Variants in OSBPL8 observed in about 807,000 individuals in gnomAD.
OSBPL8 encodes the protein oxysterol binding protein like 8, also known as oxysterol-binding protein-related protein 8.
Under a neutral mutation model 125.5 loss-of-function variants are expected in OSBPL8, and 59 were observed. That is an observed-to-expected ratio of 0.47 (90% CI 0.38 to 0.58). The LOEUF (loss-of-function observed/expected upper bound fraction) is 0.58. Among genes scored for constraint, OSBPL8 ranks in the 20% least tolerant of loss-of-function variants. OSBPL8 has a pLI of 0.00. For synonymous variants in OSBPL8, 330 were observed against 338.9 expected (o/e 0.97, Z 0.29); for missense variants, 758 against 1,047.8 (o/e 0.72, Z 3.82).
At chr12:76,556,088 T>C (rs781759945) in intron 1 of OSBPL8, among the ~76,000 whole-genome samples, 16 of 152,202 alleles carry the variant, frequency 1.1e-4, no homozygotes, top group Non-Finnish European at 2.1e-4. Flanking sequence ...CCTTCCTTTA[T>C]CATTTCGCTG....
chr12:76,457,642 A>G (rs1874222114), intron 3 of OSBPL8, among the ~76,000 whole-genome samples: 1 of 152,180 alleles, frequency 6.6e-6, no homozygotes, highest in Non-Finnish European at 1.5e-5. Context: ...AAATGATTAT[A>G]CAGACCCAGC....
At chr12:76,540,897 C>T (rs1161027736) in intron 1 of OSBPL8, among the ~76,000 whole-genome samples, 2 of 152,088 alleles carry the variant, frequency 1.3e-5, no homozygotes, top group African/African-American at 4.8e-5. Context: ...TAACAAGTTA[C>T]AGCAATCAAG....
At chr12:76,522,526 G>T (rs1950049009) in intron 1 of OSBPL8, among the ~76,000 whole-genome samples, 1 of 152,074 alleles carries the variant, frequency 6.6e-6, no homozygotes, top group African/African-American at 2.4e-5. Context: ...GTTCTCAAGG[G>T]AATAAGTCAG....
chr12:76,490,604 T>C (rs1024947269), intron 1 of OSBPL8, among the ~76,000 whole-genome samples: 5 of 152,218 alleles, frequency 3.3e-5, no homozygotes. Context: ...GCCACTTTCA[T>C]GGCAATAAAA....
chr12:76,511,150 G>A (rs1291307386), intron 1 of OSBPL8, among the ~76,000 whole-genome samples: 1 of 152,190 alleles, frequency 6.6e-6, no homozygotes, highest in African/African-American at 2.4e-5. Flanking sequence ...AGGCAGATTA[G>A]GCATTTAGGT....
chr12:76,438,120 G>T (rs1163563544), intron 4 of OSBPL8, among the ~76,000 whole-genome samples: 1 of 150,456 alleles, frequency 6.6e-6, no homozygotes, highest in Non-Finnish European at 1.5e-5. Flanking sequence ...TCGGGTAGCT[G>T]GGACTACAGG....
At chr12:76,479,628 T>G (rs556322440) in intron 2 of OSBPL8, among the ~76,000 whole-genome samples, 26 of 152,236 alleles carry the variant, frequency 1.7e-4, no homozygotes, top group Admixed American at 5.2e-4. Context: ...TCAAAAAAAA[T>G]TTGAACCTTG....
chr12:76,356,107 G>C, intron 23 of OSBPL8, 86 bp from the exon 24 acceptor site: 1 of 915,642 alleles, frequency 1.1e-6, no homozygotes, highest in Non-Finnish European at 1.5e-6. Flanking sequence ...AACAGTCACA[G>C]AGCATTTAAT....
intron 1 of OSBPL8, among the ~76,000 whole-genome samples, chr12:76,495,970 A>G (rs1879223039): frequency 6.6e-6 from 1 of 152,164 alleles, no homozygotes; most frequent in Non-Finnish European, 1.5e-5. Flanking sequence ...TTAACATTCC[A>G]TTTATTTTTG....
chr12:76,398,233 T>C (rs576932046), intron 7 of OSBPL8, among the ~76,000 whole-genome samples: 1 of 152,320 alleles, frequency 6.6e-6, no homozygotes, highest in Non-Finnish European at 1.5e-5. Context: ...TGATCATGGC[T>C]GTAATCTTAT....
intron 5 of OSBPL8, among the ~76,000 whole-genome samples, chr12:76,408,009 A>G (rs1372707784): frequency 1.3e-5 from 2 of 152,044 alleles, no homozygotes; most frequent in East Asian, 3.9e-4. Flanking sequence ...AACTCTCAAC[A>G]AAAAGTAGTT....
chr12:76,491,536 C>G (rs889325215), intron 1 of OSBPL8, among the ~76,000 whole-genome samples: 1 of 152,044 alleles, frequency 6.6e-6, no homozygotes, highest in Non-Finnish European at 1.5e-5. Context: ...ATAGAGTAGC[C>G]CAAGAGACTA....
chr12:76,433,853 G>A (rs1032765371), intron 4 of OSBPL8, among the ~76,000 whole-genome samples: 4 of 151,554 alleles, frequency 2.6e-5, no homozygotes, highest in Non-Finnish European at 4.4e-5. Context: ...ACATGCACCT[G>A]TAATCCAGCT....
chr12:76,369,917 T>G, intron 19 of OSBPL8, 95 bp from the exon 20 acceptor site: 2 of 1,187,108 alleles, frequency 1.7e-6, no homozygotes, highest in Non-Finnish European at 2.3e-6. Context: ...GAGAAAATAA[T>G]GCTCACATGA....
At chr12:76,382,681 G>A (rs1050674803) in intron 15 of OSBPL8, among the ~76,000 whole-genome samples, 7 of 152,118 alleles carry the variant, frequency 4.6e-5, no homozygotes, top group Non-Finnish European at 8.8e-5. Flanking sequence ...TCAGGAGTTC[G>A]AGACCAGCCT....
chr12:76,533,027 C>T (rs1015125168), intron 1 of OSBPL8, among the ~76,000 whole-genome samples: 1 of 152,252 alleles, frequency 6.6e-6, no homozygotes, highest in South Asian at 2.1e-4. Flanking sequence ...CTATTTAACA[C>T]ATTTGTAACC....
chr12:76,386,443 T>C (rs1953316919), intron 13 of OSBPL8, 136 bp downstream of exon 13: 7 of 1,286,430 alleles, frequency 5.4e-6, no homozygotes, highest in East Asian at 2.6e-5. Flanking sequence ...CATGTCTAAA[T>C]GATCAGGTAT....
In OSBPL8 at chr12:76,392,741, T is replaced by A; in HGVS notation, c.769A>T (p.Met257Leu). The A allele has an allele frequency of 6.2e-7, 1 of 1,606,978 alleles. No individual in the cohort carries two copies. The highest frequency in any genetic ancestry group is 1.1e-5 in the South Asian group (1 of 90,398). Reference sequence around the variant, plus strand: ...TTCAAAGCCAACTCCAAAGCATCCATCCAGCACCTTCCTAAAAGAACACAG... The same window carrying A: ...TTCAAAGCCAACTCCAAAGCATCCAACCAGCACCTTCCTAAAAGAACACAG... ...ATSESDGRCWMDALELALKCS... is the reference protein window; with the variant it reads ...ATSESDGRCWLDALELALKCS... The change falls in exon 10 of 24, where the codon ATG becomes TTG. Residue 257 changes from methionine (M) to leucine (L), a missense_variant. By Grantham distance (15) the Met-to-Leu change is conservative. Coordinates refer to ENST00000261183, the MANE Select transcript of OSBPL8 (RefSeq NM_020841.5).
chr12:76,490,277 G>A (rs1014730071), intron 1 of OSBPL8, among the ~76,000 whole-genome samples: 24 of 152,326 alleles, frequency 1.6e-4, no homozygotes, highest in African/African-American at 5.3e-4. Flanking sequence ...CCCTCAAGTC[G>A]AAAAGCGTGA....
Sources: allele counts gnomAD v4.1 joint callset (sites outside exome capture counted in the v4.1 genomes callset), GRCh38; gene constraint gnomAD v4.1.1; transcripts MANE v1.5; gene names NCBI Gene and HGNC (gene_info 2026-07-23, HGNC 2026-07-21).